The following CCDC85A variants were observed in gnomAD, a reference collection of about 807,000 sequenced individuals.
The protein encoded by CCDC85A is coiled-coil domain-containing protein 85A.
Under a neutral mutation model 50.2 loss-of-function variants are expected in CCDC85A, and 38 were observed. The observed-to-expected ratio is 0.76, with a 90% CI of 0.58 to 0.99. The LOEUF (loss-of-function observed/expected upper bound fraction) is 0.99, where lower values mean the gene tolerates loss of function less well. CCDC85A is among the 50% of genes least tolerant of loss of function. The probability of loss-of-function intolerance (pLI) is 0.00; values close to 1 mark genes in which losing one functional copy is unlikely to be tolerated. For missense variants in CCDC85A, 820 were observed against 742.0 expected, an observed-to-expected ratio of 1.11 and a Z score of -1.22; for synonymous variants, 366 against 301.4, an observed-to-expected ratio of 1.21 and a Z score of -2.22.
rs546929626 is a variant in CCDC85A, at chr2:56,313,110, G to C, written c.1241-29769G>C. On this transcript the variant is annotated intron_variant, in intron 2 of 5. Coordinates refer to ENST00000407595, the MANE Select transcript of CCDC85A (RefSeq NM_001080433.2). ...CTGAAAGTCTTTTATTATGTTTATAGATGAGGAATTATATTGTCCTGAACA... is the reference window on the plus strand; with the variant it reads ...CTGAAAGTCTTTTATTATGTTTATACATGAGGAATTATATTGTCCTGAACA... Among the ~76,000 whole-genome samples, 3 of 152,212 alleles carry C rather than the reference G, an allele frequency of 2.0e-5. No individual in the cohort carries two copies. The East Asian group carries it at 5.8e-4, about 29-fold the overall frequency.
intron 2 of CCDC85A, among the ~76,000 whole-genome samples, chr2:56,204,350 T>C (rs1676873949): frequency 6.6e-6 from 1 of 152,204 alleles, no homozygotes; most frequent in Non-Finnish European, 1.5e-5. Context: ...GATTCAACAA[T>C]GCAACAAAGT....
At chr2:56,342,209 A>T (rs202193341) in intron 2 of CCDC85A, among the ~76,000 whole-genome samples, 19 of 140,246 alleles carry the variant, frequency 1.4e-4, no homozygotes, top group Middle Eastern at 3.5e-3. Context: ...TTTTTTTTTT[A>T]AATTGACCTC....
rs1027664079 is a variant in CCDC85A at position 56,291,592 on chromosome 2, C to T, written c.1241-51287C>T. ...AAATTTGGGAGAAGATCAGAGAGATCAGTAAGTACAAAGACCCTAAAGTGG... is the reference window on the plus strand; with the variant it reads ...AAATTTGGGAGAAGATCAGAGAGATTAGTAAGTACAAAGACCCTAAAGTGG... On this transcript the variant is annotated intron_variant, in intron 2 of 5. Transcript: ENST00000407595. Among the ~76,000 whole-genome samples the T allele has an allele frequency of 5.3e-5, 8 of 152,142 alleles. 1 individual carries two copies. The highest frequency in any genetic ancestry group is 1.9e-4 in the African/African-American group (8 of 41,486).
chr2:56,193,000 C>A lies in CCDC85A; in HGVS notation c.800C>A (p.Thr267Asn). 1 of 1,613,628 alleles carries A rather than the reference C, an allele frequency of 6.2e-7. No homozygotes were observed. Among genetic ancestry groups the A allele is most frequent in the Non-Finnish European group, 8.5e-7 (1 of 1,179,812 alleles). ...CCACAGAAACCCAGAGCCTGTGGAA[C>A]CCCAGATCGCCCCAAAGCACTCAAA... ...EHPQKPRACG[T>N]PDRPKALKGP... is the part of the protein sequence containing the mutation. The change falls in exon 2 of 6, where the codon ACC (threonine) becomes AAC (asparagine). Residue 267 changes from threonine (T) to asparagine (N), a missense_variant. Transcript: ENST00000407595. The surrounding 1 kb of genome is among the most constrained non-coding windows in gnomAD (Gnocchi z 4.7).
chr2:56,201,754 A>G (rs1676756610), intron 2 of CCDC85A, among the ~76,000 whole-genome samples: 1 of 152,210 alleles, frequency 6.6e-6, no homozygotes. Flanking sequence ...AAATGAGAAT[A>G]GATGTATATA....
intron 2 of CCDC85A, among the ~76,000 whole-genome samples, chr2:56,263,842 G>A (rs966724091): frequency 1.2e-4 from 18 of 152,100 alleles, no homozygotes; most frequent in African/African-American, 4.1e-4. Context: ...ATAACACTGG[G>A]TTACCTGGGG....
intron 2 of CCDC85A, among the ~76,000 whole-genome samples, chr2:56,235,827 G>A (rs1573073060): frequency 6.6e-6 from 1 of 152,280 alleles, no homozygotes. Context: ...TCTCATAAAA[G>A]ATCAAGAAGT....
chr2:56,279,938 G>A (rs4287805), intron 2 of CCDC85A, among the ~76,000 whole-genome samples: 17,760 of 152,212 alleles, frequency 0.12, 3,407 homozygotes, highest in African/African-American at 0.4. Context: ...TTTTAACAAA[G>A]TTGGTGCTGT....
chr2:56,299,497 C>A (rs369861123), intron 2 of CCDC85A, among the ~76,000 whole-genome samples: 2 of 152,122 alleles, frequency 1.3e-5, no homozygotes. Context: ...GGAGCCCAGA[C>A]GTCTTTTGTT....
At chr2:56,308,287 C>G (rs1672534298) in intron 2 of CCDC85A, among the ~76,000 whole-genome samples, 1 of 152,166 alleles carries the variant, frequency 6.6e-6, no homozygotes, top group Non-Finnish European at 1.5e-5. Context: ...TCCCTTCCTC[C>G]CACTCAAACT....
chr2:56,336,223 C>G (rs1358031959), intron 2 of CCDC85A, among the ~76,000 whole-genome samples: 1 of 152,016 alleles, frequency 6.6e-6, no homozygotes, highest in Non-Finnish European at 1.5e-5. Context: ...GACACTGTCT[C>G]AGCTCACTGC....
At chr2:56,193,876 A>G (rs1241944417) in intron 2 of CCDC85A, among the ~76,000 whole-genome samples, 2 of 152,230 alleles carry the variant, frequency 1.3e-5, no homozygotes, top group Admixed American at 6.5e-5. Flanking sequence ...GGTTATATAC[A>G]AGAAGATATG....
intron 2 of CCDC85A, among the ~76,000 whole-genome samples, chr2:56,253,640 T>G (rs1000596094): frequency 1.3e-5 from 2 of 152,142 alleles, no homozygotes; most frequent in African/African-American, 4.8e-5. Flanking sequence ...TATTGCAATA[T>G]TCTAAGCTGG....
chr2:56,193,465 TGC>T, intron 2 of CCDC85A, 25 bp downstream of exon 2: 5 of 1,562,350 alleles, frequency 3.2e-6, no homozygotes, highest in Non-Finnish European at 4.3e-6. Flanking sequence ...GCTGGGGTGC[TGC>T]TTGGGCTGGG....
intron 2 of CCDC85A, among the ~76,000 whole-genome samples, chr2:56,253,238 C>G (rs1669845708): frequency 6.6e-6 from 1 of 152,140 alleles, no homozygotes; most frequent in Non-Finnish European, 1.5e-5. Context: ...GTGATTGAAA[C>G]TTCTAACACC....
At chr2:56,185,475 T>C (rs951264914) in intron 1 of CCDC85A, among the ~76,000 whole-genome samples, 5 of 152,146 alleles carry the variant, frequency 3.3e-5, no homozygotes, top group African/African-American at 9.6e-5. Flanking sequence ...CTTCTCCCAA[T>C]TCCTGTGCTT....
At chr2:56,263,521 C>T (rs1670305932) in intron 2 of CCDC85A, among the ~76,000 whole-genome samples, 1 of 152,148 alleles carries the variant, frequency 6.6e-6, no homozygotes, top group Non-Finnish European at 1.5e-5. Flanking sequence ...CAAGAATGGC[C>T]TCCTCAGTTT....
At chr2:56,258,934 G>T (rs1425437982) in intron 2 of CCDC85A, among the ~76,000 whole-genome samples, 1 of 152,208 alleles carries the variant, frequency 6.6e-6, no homozygotes, top group Non-Finnish European at 1.5e-5. Flanking sequence ...AAGATGTGGA[G>T]CTAAGGCTTT....
Position 56,263,101 on chromosome 2 carries a change from A to G in CCDC85A, c.1240+69661A>G, listed in dbSNP as rs1331441110. ...AAAGCAAGTGAAAATACTTAAGTAGAGTGTGTAAAACGTGACCTTTCTTGG... is the reference window on the plus strand; with the variant it reads ...AAAGCAAGTGAAAATACTTAAGTAGGGTGTGTAAAACGTGACCTTTCTTGG... On this transcript the variant is annotated intron_variant, in intron 2 of 5. Transcript: ENST00000407595. 2.0e-5 allele frequency among the ~76,000 whole-genome samples: 3 copies of G among 152,228 alleles called. No individual in the cohort carries two copies. The East Asian group carries it at 5.8e-4, about 29-fold the overall frequency.
Sources: allele counts gnomAD v4.1 joint callset (sites outside exome capture counted in the v4.1 genomes callset), GRCh38; gene constraint gnomAD v4.1.1; non-coding constraint Gnocchi (gnomAD v3.1); transcripts MANE v1.5; gene names NCBI Gene and HGNC (gene_info 2026-07-23, HGNC 2026-07-21).